Variants in TOGARAM1 observed in about 807,000 individuals in gnomAD.
TOGARAM1 encodes the protein TOG array regulator of axonemal microtubules protein 1.
Under a neutral mutation model 166.6 loss-of-function variants are expected in TOGARAM1, and 100 were observed. The observed-to-expected ratio is 0.60, with a 90% CI of 0.51 to 0.71. The LOEUF (loss-of-function observed/expected upper bound fraction) is 0.71, where lower values mean the gene tolerates loss of function less well. TOGARAM1 is among the 30% of genes least tolerant of loss of function. The pLI is 0.00. For synonymous variants in TOGARAM1, 758 were observed against 763.8 expected, an observed-to-expected ratio of 0.99 and a Z score of 0.13; for missense variants, 2,029 against 2,102.7, an observed-to-expected ratio of 0.96 and a Z score of 0.69.
In TOGARAM1 at chr14:44,963,785, A is replaced by G. The variant is rs1247599328; in HGVS notation, c.1364A>G (p.Tyr455Cys). The change falls in exon 1 of 20, where the codon TAC (tyrosine) becomes TGC (cysteine). Residue 455 changes from tyrosine (Y) to cysteine (C), a missense_variant. By Grantham distance (194) the Tyr-to-Cys change is radical (BLOSUM62 -2). Transcript: ENST00000361462. ...AACAAGTTGGTGATCAAACAAGAAT[A>G]CATGAAAATCTTCCTCAAGCTAATG... is the stretch of plus-strand genomic sequence containing the variant. ...ADNKLVIKQE[Y>C]MKIFLKLMKE... The G allele has an allele frequency of 1.2e-6, 2 of 1,614,110 alleles. No individual in the cohort carries two copies. Among genetic ancestry groups the G allele is most frequent in the Admixed American group, 3.3e-5 (2 of 60,020 alleles).
intron 7 of TOGARAM1, among the ~76,000 whole-genome samples, chr14:45,022,700 G>A (rs1264601560): frequency 2.0e-5 from 3 of 151,930 alleles, no homozygotes; most frequent in African/African-American, 7.3e-5. Context: ...GTTTCCTGGA[G>A]GGGATTACCC....
chr14:45,049,489 G>C (rs556415688), intron 14 of TOGARAM1, among the ~76,000 whole-genome samples: 101 of 152,184 alleles, frequency 6.6e-4, no homozygotes, highest in African/African-American at 2.3e-3. Context: ...TCGATCTCCT[G>C]ACCTTGTGAT....
intron 11 of TOGARAM1, among the ~76,000 whole-genome samples, chr14:45,033,477 G>A (rs1056166361): frequency 1.2e-4 from 19 of 152,026 alleles, no homozygotes; most frequent in Admixed American, 1.2e-3. Flanking sequence ...AATGGGCATA[G>A]CTGTGTTTCT....
At chr14:45,030,998 A>G (rs1482563877) in intron 10 of TOGARAM1, among the ~76,000 whole-genome samples, 3 of 152,200 alleles carry the variant, frequency 2.0e-5, no homozygotes, top group African/African-American at 7.2e-5. Flanking sequence ...TCTGGTGTAT[A>G]GTATTTAATA....
At chr14:44,970,623 T>C (rs1418338055) in intron 1 of TOGARAM1, among the ~76,000 whole-genome samples, 3 of 152,206 alleles carry the variant, frequency 2.0e-5, no homozygotes, top group Non-Finnish European at 4.4e-5. Flanking sequence ...GTTTCTAATC[T>C]TAGTGGGAAA....
At position 45,007,330 on chromosome 14, in the gene TOGARAM1, T is replaced by G. The variant is rs538359582; in HGVS notation, c.2904+1063T>G. 4.6e-5 allele frequency: 7 copies of G among 152,040 alleles called. No individual in the cohort carries two copies. In the East Asian group the frequency reaches 1.4e-3, roughly 29 times the overall value. 9.4% of individuals were successfully genotyped at this position (152,040 alleles called of 1,614,324 possible). Reference sequence around the variant, plus strand: ...TCTGCTTGTGAAATCTTTCCTTTTTTTTTTTTCCCAACTCATTTGTATTTT... The same window carrying G: ...TCTGCTTGTGAAATCTTTCCTTTTTGTTTTTTCCCAACTCATTTGTATTTT... On this transcript the variant is annotated intron_variant, in intron 5 of 19. Coordinates refer to ENST00000361462, the MANE Select transcript of TOGARAM1 (RefSeq NM_001308120.2).
chr14:44,992,495 T>C (rs553670736), intron 1 of TOGARAM1, among the ~76,000 whole-genome samples: 1 of 152,238 alleles, frequency 6.6e-6, no homozygotes, highest in East Asian at 1.9e-4. Context: ...TTTCTGGTAA[T>C]TTTTTGCTAC....
intron 1 of TOGARAM1, among the ~76,000 whole-genome samples, chr14:44,964,899 A>T (rs1336855933): frequency 1.3e-5 from 2 of 151,490 alleles, no homozygotes; most frequent in East Asian, 1.9e-4. Flanking sequence ...GTAGAAATAT[A>T]AAGAGTCCTG....
chr14:45,068,540 C>A lies in TOGARAM1; in HGVS notation c.4866C>A (p.Ile1622=), dbSNP rs761733683. 1.7e-5 allele frequency: 28 copies of A among 1,613,356 alleles called. No homozygotes were observed. In the Admixed American group the frequency reaches 4.5e-4, roughly 26 times the overall value. Residue 1622 remains isoleucine (I), a synonymous_variant, in exon 18 of 20, where the codon ATC becomes ATA. Transcript: ENST00000361462. ...PLLRDHLSPI[I]NMLIPAIVDN... ...TTAGAGACCACTTATCTCCTATAATCAACATGCTAATTCCAGCAATAGTGG... is the reference window on the plus strand; with the variant it reads ...TTAGAGACCACTTATCTCCTATAATAAACATGCTAATTCCAGCAATAGTGG...
chr14:44,994,052 A>T (rs967954659), intron 1 of TOGARAM1, among the ~76,000 whole-genome samples: 1 of 152,174 alleles, frequency 6.6e-6, no homozygotes, highest in Non-Finnish European at 1.5e-5. Context: ...TGTATAATCA[A>T]TCATGGACGT....
chr14:45,006,359 TATA>T (rs1879429732), intron 5 of TOGARAM1, 92 bp downstream of exon 5: 1 of 837,718 alleles, frequency 1.2e-6, no homozygotes, highest in Non-Finnish European at 1.8e-6. Flanking sequence ...CTTTTTATCC[TATA>T]ATATCTTATT....
intron 3 of TOGARAM1, among the ~76,000 whole-genome samples, chr14:45,002,127 G>T: frequency 6.6e-6 from 1 of 151,326 alleles, no homozygotes. Flanking sequence ...ACCCTTTTTT[G>T]CACTCACCCC....
chr14:44,996,506 G>C (rs1294389029), intron 2 of TOGARAM1: 2 of 152,182 alleles, frequency 1.3e-5, no homozygotes, highest in Non-Finnish European at 2.9e-5. Flanking sequence ...CTTATTTAAG[G>C]CCTAGTGGAC....
chr14:44,966,940 A>G (rs1885582730), intron 1 of TOGARAM1, among the ~76,000 whole-genome samples: 1 of 152,148 alleles, frequency 6.6e-6, no homozygotes, highest in Admixed American at 6.5e-5. Flanking sequence ...CCTGCTCAAG[A>G]GTGAGACCCA....
intron 13 of TOGARAM1, 61 bp downstream of exon 13, chr14:45,044,931 C>T: frequency 7.9e-7 from 1 of 1,269,922 alleles, no homozygotes; most frequent in Non-Finnish European, 1.1e-6. Flanking sequence ...GCAATCGGGA[C>T]TGTAGAAAAG....
intron 11 of TOGARAM1, 23 bp from the exon 12 acceptor site, chr14:45,043,663 C>CTTG: frequency 7.7e-7 from 1 of 1,301,274 alleles, no homozygotes; most frequent in Non-Finnish European, 1.1e-6. Context: ...AACGAATGAT[C>CTTG]TTGTCATTTC....
At chr14:45,066,914 C>A in intron 17 of TOGARAM1, 147 bp downstream of exon 17, 1 of 495,214 alleles carries the variant, frequency 2.0e-6, no homozygotes, top group Non-Finnish European at 3.5e-6. Flanking sequence ...AAGACCCTGT[C>A]TCTACAAAAA....
At chr14:44,992,085 A>C (rs1243044929) in intron 1 of TOGARAM1, among the ~76,000 whole-genome samples, 3 of 148,814 alleles carry the variant, frequency 2.0e-5, no homozygotes, top group South Asian at 2.1e-4. Context: ...AAAAAAAAAA[A>C]AAAAAAAAAA....
intron 19 of TOGARAM1, 69 bp from the exon 20 acceptor site, chr14:45,073,227 T>C: frequency 6.9e-7 from 1 of 1,444,704 alleles, no homozygotes; most frequent in Non-Finnish European, 9.2e-7. Flanking sequence ...TTTTAGTTGC[T>C]TTTTATTTAG....
Sources: allele counts gnomAD v4.1 joint callset (sites outside exome capture counted in the v4.1 genomes callset), GRCh38; gene constraint gnomAD v4.1.1; transcripts MANE v1.5; gene names NCBI Gene and HGNC (gene_info 2026-07-23, HGNC 2026-07-21).